FBN1: variants seen among roughly 807,000 people sequenced by gnomAD.
The protein encoded by FBN1 is fibrillin-1.
FBN1 carries 29 observed loss-of-function variants against 365.1 expected under a neutral mutation model. The ratio of observed to expected loss-of-function variants is 0.08; its 90% confidence interval spans 0.06 to 0.11. FBN1 has a LOEUF of 0.11. FBN1 is among the 10% of genes least tolerant of loss of function. The pLI, the probability that FBN1 is intolerant of heterozygous loss-of-function variation, is 1.00. For synonymous variants in FBN1, 1,210 were observed against 1,270.5 expected, an observed-to-expected ratio of 0.95 and a Z score of 1.01; for missense variants, 2,476 against 3,703.2, an observed-to-expected ratio of 0.67 and a Z score of 8.60.
chr15:48,569,296 T>C (rs1159501466), intron 6 of FBN1, among the ~76,000 whole-genome samples: 1 of 152,090 alleles, frequency 6.6e-6, no homozygotes, highest in Non-Finnish European at 1.5e-5. Flanking sequence ...CTAGAATGGT[T>C]ATAATGAAAA....
chr15:48,538,068 G>A (rs1386991802), intron 6 of FBN1, among the ~76,000 whole-genome samples: 3 of 152,176 alleles, frequency 2.0e-5, no homozygotes, highest in African/African-American at 4.8e-5. Flanking sequence ...GCGAGCTAAT[G>A]GAAAACTCTT....
chr15:48,563,904 CA>C (rs2044241740), intron 6 of FBN1, among the ~76,000 whole-genome samples: 1 of 152,110 alleles, frequency 6.6e-6, no homozygotes, highest in East Asian at 1.9e-4. Context: ...TGATATATTT[CA>C]AAAAATGCTC....
At position 48,497,314 on chromosome 15, in the gene FBN1, T is replaced by C. The variant is rs1555399370; in HGVS notation, c.2245A>G (p.Ile749Val). Residue 749 changes from isoleucine (I) to valine (V), a missense_variant, in exon 19 of 66, where the codon ATA (isoleucine) becomes GTA (valine). Coordinates refer to ENST00000316623, the MANE Select transcript of FBN1 (RefSeq NM_000138.5). The stretch of plus-strand genomic sequence containing the variant: ...TCCACTTCATATCCTGAATTGCATA[T>C]ACATTTATAGGTCCCACGAAGGTTT... Reference protein sequence around the residue: ...CENLRGTYKCICNSGYEVDST... With the variant: ...CENLRGTYKCVCNSGYEVDST... The C allele has an allele frequency of 1.2e-6, 2 of 1,614,042 alleles. No individual in the cohort carries two copies. The highest frequency in any genetic ancestry group is 4.5e-5 in the East Asian group (2 of 44,860).
intron 6 of FBN1, among the ~76,000 whole-genome samples, chr15:48,578,187 C>T (rs1297997165): frequency 6.6e-6 from 1 of 152,052 alleles, no homozygotes; most frequent in Non-Finnish European, 1.5e-5. Flanking sequence ...AGTTCAAATT[C>T]ATTTTTAGTT....
At chr15:48,627,362 C>T (rs1237005738) in intron 2 of FBN1, among the ~76,000 whole-genome samples, 1 of 152,218 alleles carries the variant, frequency 6.6e-6, no homozygotes, top group Non-Finnish European at 1.5e-5. Context: ...TTCTGTCCTG[C>T]ACCCTCCGGT....
chr15:48,537,517 A>G, intron 7 of FBN1, 94 bp downstream of exon 7: 1 of 1,479,092 alleles, frequency 6.8e-7, no homozygotes, highest in Non-Finnish European at 9.4e-7. Flanking sequence ...TATGTAGCTG[A>G]CACTACTTTT....
intron 31 of FBN1, among the ~76,000 whole-genome samples, chr15:48,483,132 A>G (rs2043478392): frequency 6.6e-6 from 1 of 152,234 alleles, no homozygotes. Flanking sequence ...GGAAAATATG[A>G]CCTAAAATAA....
intron 23 of FBN1, among the ~76,000 whole-genome samples, chr15:48,492,873 G>A (rs994353201): frequency 3.3e-5 from 5 of 152,120 alleles, no homozygotes; most frequent in Admixed American, 2.0e-4. Flanking sequence ...TGGTAGCTGC[G>A]GACATTTCAG....
intron 6 of FBN1, among the ~76,000 whole-genome samples, chr15:48,589,167 G>A (rs772096757): frequency 5.3e-5 from 8 of 152,222 alleles, no homozygotes; most frequent in Admixed American, 3.3e-4. Context: ...GATGCCCAGC[G>A]ACTGAGGAAG....
chr15:48,472,740 T>C (rs1418306940), intron 34 of FBN1, 64 bp from the exon 35 acceptor site: 2 of 1,611,610 alleles, frequency 1.2e-6, no homozygotes, highest in Admixed American at 1.7e-5. Flanking sequence ...TCCTCAGGTC[T>C]ATCAACTTTC....
chr15:48,426,068 T>C (rs554053834), intron 58 of FBN1, among the ~76,000 whole-genome samples: 3 of 152,310 alleles, frequency 2.0e-5, no homozygotes, highest in Non-Finnish European at 4.4e-5. Context: ...TAGACTACAA[T>C]TGATAAAATA....
chr15:48,515,187 A>G (rs912238454), intron 12 of FBN1, among the ~76,000 whole-genome samples, 200 bp downstream of exon 12: 1 of 152,248 alleles, frequency 6.6e-6, no homozygotes, highest in African/African-American at 2.4e-5. Context: ...AAAGGAAGAC[A>G]GCCCTCCCAA....
At chr15:48,431,191 G>A (rs1286545503) in intron 55 of FBN1, among the ~76,000 whole-genome samples, 2 of 151,930 alleles carry the variant, frequency 1.3e-5, no homozygotes, top group Admixed American at 6.6e-5. Flanking sequence ...TCTGCCTCCC[G>A]GGTTCAAGTG....
intron 5 of FBN1, among the ~76,000 whole-genome samples, chr15:48,598,679 C>T (rs1434705849): frequency 6.6e-6 from 1 of 152,182 alleles, no homozygotes; most frequent in African/African-American, 2.4e-5. Context: ...GACAGGTAAG[C>T]TCCTACCCAT....
At chr15:48,541,616 ACTC>A (rs2044058260) in intron 6 of FBN1, among the ~76,000 whole-genome samples, 1 of 152,138 alleles carries the variant, frequency 6.6e-6, no homozygotes, top group Admixed American at 6.5e-5. Flanking sequence ...TTAGTCCAAT[ACTC>A]CAACCGCAGA....
At chr15:48,485,273 AG>A in intron 30 of FBN1, 100 bp downstream of exon 30, 1 of 1,450,718 alleles carries the variant, frequency 6.9e-7, no homozygotes, top group Non-Finnish European at 9.7e-7. Flanking sequence ...ATGACAAACA[AG>A]GGTTTGGACT....
At position 48,496,093 on chromosome 15, in the gene FBN1, G is replaced by A. The variant is rs773155136; in HGVS notation, c.2419+7C>T. On this transcript the variant is annotated splice_region_variant and intron_variant, in intron 20 of 65. Coordinates refer to ENST00000316623, the MANE Select transcript of FBN1 (RefSeq NM_000138.5). ...GTACACAGTATAAGAACAAAAATAT[G>A]GTTTACCTTCACATGTTTTTAGATC... 4 of 1,613,586 alleles carry A rather than the reference G, an allele frequency of 2.5e-6. No homozygotes were observed. The Admixed American group carries it at 6.7e-5, about 27-fold the overall frequency.
intron 2 of FBN1, 133 bp from the exon 3 acceptor site, chr15:48,613,225 G>A: frequency 1.4e-6 from 1 of 708,842 alleles, no homozygotes; most frequent in Non-Finnish European, 2.5e-6. Context: ...GCAAACTCAT[G>A]AGACTCAATG....
intron 6 of FBN1, among the ~76,000 whole-genome samples, chr15:48,562,558 G>A (rs1261006346): frequency 3.3e-5 from 5 of 152,110 alleles, no homozygotes; most frequent in Non-Finnish European, 7.4e-5. Context: ...CTCAAGTCTT[G>A]GATTCATTAA....
Sources: gnomAD v4.1 joint callset for allele counts (sites outside exome capture counted in the v4.1 genomes callset) on GRCh38, gnomAD v4.1.1 for gene constraint, MANE v1.5 for transcripts, NCBI Gene and HGNC (gene_info 2026-07-23, HGNC 2026-07-21) for gene names.